SUPT3H: variants seen among roughly 807,000 people sequenced by gnomAD.
SUPT3H encodes transcription initiation protein SPT3 homolog.
Under a neutral mutation model 44.3 loss-of-function variants are expected in SUPT3H, and 44 were observed. The ratio of observed to expected loss-of-function variants is 0.99; its 90% CI spans 0.78 to 1.28. SUPT3H has a LOEUF of 1.28. Ranked by LOEUF, SUPT3H falls within the 50% of genes most tolerant of loss-of-function variation. SUPT3H has a pLI of 0.00. For missense variants in SUPT3H, 380 were observed against 387.1 expected, an observed-to-expected ratio of 0.98 and a Z score of 0.15; for synonymous variants, 124 against 125.6, an observed-to-expected ratio of 0.99 and a Z score of 0.09.
chr6:45,231,300 C>G (rs1768000105), intron 2 of SUPT3H, among the ~76,000 whole-genome samples: 1 of 152,206 alleles, frequency 6.6e-6, no homozygotes, highest in African/African-American at 2.4e-5. Flanking sequence ...TGAATTCTCT[C>G]AGCATTTGCT....
intron 3 of SUPT3H, among the ~76,000 whole-genome samples, chr6:45,059,354 A>G (rs903239031): frequency 1.3e-5 from 2 of 152,210 alleles, no homozygotes; most frequent in African/African-American, 2.4e-5. Flanking sequence ...TTATTTCAAT[A>G]GATGCAGAAA....
intron 10 of SUPT3H, among the ~76,000 whole-genome samples, chr6:44,844,860 CTA>C (rs1208005764): frequency 1.3e-5 from 2 of 152,064 alleles, no homozygotes; most frequent in African/African-American, 4.8e-5. Flanking sequence ...AATCATCAAA[CTA>C]TATATTTTAA....
At chr6:44,888,689 C>G (rs1332167002) in intron 10 of SUPT3H, among the ~76,000 whole-genome samples, 25 of 151,864 alleles carry the variant, frequency 1.6e-4, no homozygotes, top group Admixed American at 1.6e-3. Flanking sequence ...GGAAGCATTC[C>G]CTTTGAAAAC....
chr6:45,144,761 A>G (rs1021426626), intron 2 of SUPT3H, among the ~76,000 whole-genome samples: 1 of 152,102 alleles, frequency 6.6e-6, no homozygotes, highest in Non-Finnish European at 1.5e-5. Flanking sequence ...AAAACCCTAA[A>G]GACTCATCCA....
chr6:45,269,567 T>G (rs1397143101), intron 2 of SUPT3H, among the ~76,000 whole-genome samples: 3 of 152,176 alleles, frequency 2.0e-5, no homozygotes, highest in Non-Finnish European at 2.9e-5. Context: ...CAACCGACAT[T>G]TGAATGGTTA....
chr6:44,987,683 G>A lies in SUPT3H; in HGVS notation c.504+15970C>T, dbSNP rs191641092. 4.6e-5 allele frequency among the ~76,000 whole-genome samples: 7 copies of A among 151,802 alleles called. No homozygotes were observed. The East Asian group carries it at 9.7e-4, about 21-fold the overall frequency. ...TGAGAGCAGAAAAATATAGTTGAAA[G>A]CTTTTTTTGTTTGTTTAAGATGGGG... On this transcript the variant is annotated intron_variant, in intron 6 of 10. Coordinates refer to ENST00000371459, the MANE Select transcript of SUPT3H (RefSeq NM_003599.4).
At chr6:44,930,038 A>G (rs955520678) in intron 10 of SUPT3H, among the ~76,000 whole-genome samples, 5 of 152,132 alleles carry the variant, frequency 3.3e-5, no homozygotes, top group Admixed American at 3.3e-4. Flanking sequence ...ACCTGAGGTC[A>G]GGAGTTCAAG....
chr6:45,339,397 A>G (rs546226849), intron 2 of SUPT3H, among the ~76,000 whole-genome samples: 11 of 152,316 alleles, frequency 7.2e-5, no homozygotes, highest in African/African-American at 2.6e-4. Flanking sequence ...TACTCCTAGA[A>G]ATAAGCTAAA....
chr6:45,229,724 T>C (rs1344372904), intron 2 of SUPT3H, among the ~76,000 whole-genome samples: 2 of 152,160 alleles, frequency 1.3e-5, no homozygotes, highest in Non-Finnish European at 2.9e-5. Context: ...ATAATTTATA[T>C]ATTTTGGGGA....
chr6:45,232,670 C>T (rs780212658), intron 2 of SUPT3H, among the ~76,000 whole-genome samples: 3 of 152,112 alleles, frequency 2.0e-5, no homozygotes, highest in Non-Finnish European at 4.4e-5. Flanking sequence ...AAGTGTTGCA[C>T]ACTGATGTTG....
At chr6:45,175,844 T>A (rs1811692373) in intron 2 of SUPT3H, among the ~76,000 whole-genome samples, 1 of 152,220 alleles carries the variant, frequency 6.6e-6, no homozygotes, top group Admixed American at 6.5e-5. Flanking sequence ...ATTCAAAGCT[T>A]CTCATTATAG....
intron 3 of SUPT3H, among the ~76,000 whole-genome samples, chr6:45,053,740 CAAAAAA>C (rs57736879): frequency 5.4e-4 from 32 of 59,444 alleles, no homozygotes; most frequent in African/African-American, 2.0e-3. Flanking sequence ...ACTAAAAATA[CAAAAAA>C]AAAAAAAAAA....
chr6:45,143,912 G>A (rs1356949916), intron 2 of SUPT3H, among the ~76,000 whole-genome samples: 1 of 152,032 alleles, frequency 6.6e-6, no homozygotes, highest in Non-Finnish European at 1.5e-5. Flanking sequence ...AGGTTACTAT[G>A]AACACCTTTA....
At chr6:45,126,810 C>T (rs773027936) in intron 2 of SUPT3H, among the ~76,000 whole-genome samples, 10 of 152,042 alleles carry the variant, frequency 6.6e-5, no homozygotes, top group Non-Finnish European at 1.2e-4. Context: ...TGAAGGATTC[C>T]ATAATAATTT....
intron 2 of SUPT3H, among the ~76,000 whole-genome samples, chr6:45,253,989 G>A (rs1172947012): frequency 2.7e-5 from 4 of 150,634 alleles, no homozygotes; most frequent in Non-Finnish European, 4.4e-5. Context: ...ATCTATACCT[G>A]TATCATTACT....
intron 2 of SUPT3H, among the ~76,000 whole-genome samples, chr6:45,107,344 T>C (rs1048689375): frequency 1.3e-5 from 2 of 152,084 alleles, no homozygotes; most frequent in Admixed American, 6.6e-5. Context: ...ATTCAAGGTA[T>C]AGAAAAGAAT....
intron 3 of SUPT3H, among the ~76,000 whole-genome samples, chr6:45,063,475 C>T (rs1186060036): frequency 1.4e-5 from 2 of 141,390 alleles, no homozygotes; most frequent in African/African-American, 2.8e-5. Flanking sequence ...CTTTGACGAG[C>T]TGAGAGAAGA....
In SUPT3H at chr6:45,175,249, C is replaced by T. The variant is rs181107323; in HGVS notation, c.102-69243G>A. Among the ~76,000 whole-genome samples the T allele has an allele frequency of 2.6e-3, 397 of 152,166 alleles. 2 individuals carry two copies. The highest frequency in any genetic ancestry group is 8.6e-3 in the African/African-American group (357 of 41,522). ...ACTGCTGTATTAGTCCGTTCTCACA[C>T]TGCTACAAAAAACTGCCCGAGACTG... is the stretch of plus-strand genomic sequence containing the variant. On this transcript the variant is annotated intron_variant, in intron 2 of 10. Transcript: ENST00000371459.
chr6:45,036,340 G>A (rs74332440), intron 3 of SUPT3H, among the ~76,000 whole-genome samples: 483 of 152,174 alleles, frequency 3.2e-3, no homozygotes, highest in African/African-American at 0.011. Flanking sequence ...GCTTGAACAT[G>A]TTGGAGGAAA....
Sources: allele counts gnomAD v4.1 joint callset (sites outside exome capture counted in the v4.1 genomes callset), GRCh38; gene constraint gnomAD v4.1.1; transcripts MANE v1.5; gene names NCBI Gene and HGNC (gene_info 2026-07-23, HGNC 2026-07-21).